CTNND2: variants seen among roughly 807,000 people sequenced by gnomAD.
CTNND2 encodes catenin delta-2.
In CTNND2, 22 loss-of-function variants were observed where a neutral mutation model predicts 144.4. The ratio of observed to expected loss-of-function variants is 0.15; its 90% CI spans 0.11 to 0.22. The LOEUF (loss-of-function observed/expected upper bound fraction) is 0.22. Among genes scored for constraint, CTNND2 ranks in the 10% least tolerant of loss-of-function variants. CTNND2 has a pLI of 1.00. For missense variants in CTNND2, 1,353 were observed against 1,618.8 expected (o/e 0.84, Z 2.82); for synonymous variants, 751 against 695.6 (o/e 1.08, Z -1.25).
chr5:11,050,087 T>C (rs988834434), intron 16 of CTNND2, among the ~76,000 whole-genome samples: 2 of 152,216 alleles, frequency 1.3e-5, no homozygotes, highest in Admixed American at 6.5e-5. Flanking sequence ...CAATTGTGCA[T>C]GTATATTTTA....
At chr5:11,518,748 T>C (rs1192163024) in intron 3 of CTNND2, among the ~76,000 whole-genome samples, 1 of 152,244 alleles carries the variant, frequency 6.6e-6, no homozygotes, top group Non-Finnish European at 1.5e-5. Flanking sequence ...TAACCTGCTG[T>C]ACAGGTTTAT....
intron 12 of CTNND2, among the ~76,000 whole-genome samples, chr5:11,128,795 T>TAAATATC (rs372613635): frequency 1.6e-5 from 1 of 61,546 alleles, no homozygotes; most frequent in Non-Finnish European, 2.7e-5. Flanking sequence ...TAAATATATA[T>TAAATATC]TATATATATA....
intron 18 of CTNND2, among the ~76,000 whole-genome samples, chr5:11,013,857 A>G (rs1036095412): frequency 9.2e-5 from 14 of 152,098 alleles, no homozygotes; most frequent in Non-Finnish European, 1.6e-4. Context: ...CCGGGGTGTG[A>G]GCCCGAGACT....
chr5:11,725,970 C>A (rs930998162), intron 2 of CTNND2, among the ~76,000 whole-genome samples: 1 of 152,160 alleles, frequency 6.6e-6, no homozygotes, highest in Admixed American at 6.5e-5. Flanking sequence ...TTGCTTTGTG[C>A]AAACCATGCA....
At chr5:11,063,922 A>T (rs1036002627) in intron 16 of CTNND2, among the ~76,000 whole-genome samples, 15 of 152,134 alleles carry the variant, frequency 9.9e-5, no homozygotes, top group African/African-American at 2.4e-5. Flanking sequence ...TAATTCTATC[A>T]ATACGCTGAC....
intron 2 of CTNND2, among the ~76,000 whole-genome samples, chr5:11,677,782 T>A (rs1213870651): frequency 1.3e-5 from 2 of 152,174 alleles, no homozygotes; most frequent in East Asian, 1.9e-4. Context: ...GGTTTCCACA[T>A]AAAACACCTA....
chr5:10,981,259 C>T (rs1737205739), intron 21 of CTNND2, among the ~76,000 whole-genome samples: 1 of 152,110 alleles, frequency 6.6e-6, no homozygotes, highest in Non-Finnish European at 1.5e-5. Context: ...CTTTGAGTAG[C>T]AAGACACTAC....
chr5:11,307,998 C>T (rs953041371), intron 9 of CTNND2, among the ~76,000 whole-genome samples: 2 of 152,198 alleles, frequency 1.3e-5, no homozygotes, highest in African/African-American at 4.8e-5. Context: ...TGTGAGGACA[C>T]AGCAAAGACT....
Position 10,972,908 on chromosome 5 carries a change from T to C in CTNND2, c.*545A>G, listed in dbSNP as rs1044096345. 2 of 152,548 alleles carry C rather than the reference T, an allele frequency of 1.3e-5. No individual in the cohort carries two copies. Among genetic ancestry groups the C allele is most frequent in the African/African-American group, 4.8e-5 (2 of 41,420 alleles). 9.4% of individuals were successfully genotyped at this position (152,548 alleles called of 1,614,324 possible). A position where few individuals can be genotyped will look rare whatever the true frequency, so the allele number is the denominator to read the frequency against. ...AGGAAACACGGCGGCATTGGTGTAATATACACAACGCGCTTTTCTTCTTTA... is the reference window on the plus strand; with the variant it reads ...AGGAAACACGGCGGCATTGGTGTAACATACACAACGCGCTTTTCTTCTTTA... On this transcript the variant is annotated 3_prime_UTR_variant, in exon 22 of 22. Coordinates refer to ENST00000304623, the MANE Select transcript of CTNND2 (RefSeq NM_001332.4).
At chr5:11,039,261 C>T (rs1744418614) in intron 16 of CTNND2, among the ~76,000 whole-genome samples, 1 of 152,212 alleles carries the variant, frequency 6.6e-6, no homozygotes, top group Admixed American at 6.5e-5. Flanking sequence ...GCTGTTTGCC[C>T]AGCATGACCT....
At chr5:11,003,393 C>T (rs976865747) in intron 18 of CTNND2, among the ~76,000 whole-genome samples, 3 of 152,144 alleles carry the variant, frequency 2.0e-5, no homozygotes, top group African/African-American at 7.2e-5. Flanking sequence ...GACATTAATG[C>T]TCACGTATCA....
intron 3 of CTNND2, among the ~76,000 whole-genome samples, chr5:11,475,383 T>A (rs1291018903): frequency 6.6e-6 from 1 of 152,228 alleles, no homozygotes; most frequent in Non-Finnish European, 1.5e-5. Context: ...GAACAATTAA[T>A]GGCATAAGAG....
At position 11,364,784 on chromosome 5, in the gene CTNND2, G is replaced by A. The variant is rs1171297349; in HGVS notation, c.1284C>T (p.Val428=). 6.2e-7 allele frequency: 1 copy of A among 1,613,814 alleles called. No homozygotes were observed. Among genetic ancestry groups the A allele is most frequent in the African/African-American group, 1.3e-5 (1 of 74,910 alleles). Reference sequence around the variant, plus strand: ...GACTCCTCATAGGGGGCTTCTGATAGACGCGGTCTTCATAGATGGGATCTA... The same window carrying A: ...GACTCCTCATAGGGGGCTTCTGATAAACGCGGTCTTCATAGATGGGATCTA... ...HHIDPIYEDR[V]YQKPPMRSLS... The change falls in exon 8 of 22, where the codon GTC becomes GTT. Residue 428 remains valine, a synonymous_variant. Transcript: ENST00000304623.
chr5:11,457,854 C>A (rs1442921080), intron 3 of CTNND2, among the ~76,000 whole-genome samples: 3 of 152,166 alleles, frequency 2.0e-5, no homozygotes, highest in Non-Finnish European at 2.9e-5. Context: ...ATGGGCTCTC[C>A]TCTGATTGCA....
intron 3 of CTNND2, among the ~76,000 whole-genome samples, chr5:11,469,882 C>A (rs1767008661): frequency 6.6e-6 from 1 of 152,094 alleles, no homozygotes; most frequent in South Asian, 2.1e-4. Flanking sequence ...ACCTTGCTTC[C>A]TGCCTCCATT....
At chr5:11,545,518 T>C (rs1442035900) in intron 3 of CTNND2, among the ~76,000 whole-genome samples, 2 of 150,554 alleles carry the variant, frequency 1.3e-5, no homozygotes, top group Non-Finnish European at 3.0e-5. Flanking sequence ...AAAAATTAGC[T>C]GGGCATGGTG....
intron 7 of CTNND2, among the ~76,000 whole-genome samples, chr5:11,376,755 T>G (rs772986339): frequency 6.6e-6 from 1 of 152,180 alleles, no homozygotes; most frequent in East Asian, 1.9e-4. Context: ...GCCATTTTGG[T>G]AGGAGAGATG....
At chr5:11,408,029 AT>A (rs1761228323) in intron 5 of CTNND2, among the ~76,000 whole-genome samples, 1 of 151,958 alleles carries the variant, frequency 6.6e-6, no homozygotes. Flanking sequence ...GGAAAAAGAG[AT>A]TATGACATTG....
intron 3 of CTNND2, among the ~76,000 whole-genome samples, chr5:11,478,116 C>G (rs1031132272): frequency 6.6e-6 from 1 of 152,206 alleles, no homozygotes; most frequent in South Asian, 2.1e-4. Context: ...GACTCTCACT[C>G]TACACTTCTT....
Sources: gnomAD v4.1 joint callset for allele counts (sites outside exome capture counted in the v4.1 genomes callset) on GRCh38, gnomAD v4.1.1 for gene constraint, MANE v1.5 for transcripts, NCBI Gene and HGNC (gene_info 2026-07-23, HGNC 2026-07-21) for gene names.